HERC6: variants seen among roughly 807,000 people sequenced by gnomAD.
HERC6 encodes the protein probable E3 ubiquitin-protein ligase HERC6.
A neutral mutation model predicts 114.5 loss-of-function variants in HERC6; 101 were observed. The ratio of observed to expected loss-of-function variants is 0.88; its 90% CI spans 0.75 to 1.04. The LOEUF is 1.04. Among genes scored for constraint, HERC6 ranks in the 50% least tolerant of loss-of-function variants. The pLI is 0.00. For missense variants in HERC6, 1,133 were observed against 1,230.9 expected (o/e 0.92, Z 1.19); for synonymous variants, 408 against 436.2 (o/e 0.94, Z 0.81).
intron 11 of HERC6, among the ~76,000 whole-genome samples, chr4:88,412,013 G>A (rs1275725928): frequency 1.3e-5 from 2 of 152,162 alleles, no homozygotes; most frequent in African/African-American, 4.8e-5. Flanking sequence ...CGACTGGCAA[G>A]GTGAACATAT....
chr4:88,400,618 A>G (rs76633517), intron 8 of HERC6, among the ~76,000 whole-genome samples: 2,871 of 152,272 alleles, frequency 0.019, 94 homozygotes, highest in African/African-American at 0.066. Context: ...TTTAAATGAC[A>G]TGTTCTGGGT....
At chr4:88,429,313 T>C (rs1737952578) in intron 16 of HERC6, among the ~76,000 whole-genome samples, 2 of 152,170 alleles carry the variant, frequency 1.3e-5, no homozygotes, top group Admixed American at 6.5e-5. Context: ...TAGGGAAATA[T>C]ACACAGCCTC....
At chr4:88,380,829 A>G (rs1336713570) in intron 1 of HERC6, among the ~76,000 whole-genome samples, 2 of 152,096 alleles carry the variant, frequency 1.3e-5, no homozygotes, top group African/African-American at 2.4e-5. Context: ...ACACCCAAAG[A>G]TAACTCCTAA....
At chr4:88,398,748 T>C (rs1252925572) in intron 8 of HERC6, 1 of 152,220 alleles carries the variant, frequency 6.6e-6, no homozygotes, top group East Asian at 1.9e-4. Context: ...ATAAAATTAA[T>C]GATGATAGAT....
intron 13 of HERC6, among the ~76,000 whole-genome samples, chr4:88,421,448 TTTC>T: frequency 6.8e-6 from 1 of 146,520 alleles, no homozygotes; most frequent in African/African-American, 2.5e-5. Flanking sequence ...TTTCTTTTCT[TTTC>T]TTTTTTTTTT....
chr4:88,423,229 A>T (rs1418217563), intron 13 of HERC6, among the ~76,000 whole-genome samples: 1 of 151,602 alleles, frequency 6.6e-6, no homozygotes, highest in Non-Finnish European at 1.5e-5. Flanking sequence ...CATTTTTGTG[A>T]TGGAGGCATT....
At chr4:88,382,294 G>A (rs1734364321) in intron 1 of HERC6, among the ~76,000 whole-genome samples, 1 of 152,164 alleles carries the variant, frequency 6.6e-6, no homozygotes, top group Admixed American at 6.5e-5. Flanking sequence ...TTGGCTTGTA[G>A]GGAAATGTGA....
chr4:88,392,245 C>T (rs1335951203), intron 4 of HERC6, among the ~76,000 whole-genome samples: 1 of 149,480 alleles, frequency 6.7e-6, no homozygotes. Flanking sequence ...GTGGTGTGAT[C>T]TCAGCTCACT....
Position 88,439,986 on chromosome 4 carries a change from C to T in HERC6, c.2668C>T (p.His890Tyr), listed in dbSNP as rs1329024606. ...YRVCEKEILRHFYPEELMTAI... is the reference protein window; with the variant it reads ...YRVCEKEILRYFYPEELMTAI... ...AGTCTGTGAGAAGGAGATACTTAGA[C>T]ATTTCTACCCTGAAGAACTAATGAC... The change falls in exon 21 of 23, where the codon CAT becomes TAT. Residue 890 changes from histidine (H) to tyrosine (Y), a missense_variant. This residue lies in a region of HERC6 where 388 missense variants were observed against 445.9 expected (regional missense o/e 0.87). Coordinates refer to ENST00000264346, the MANE Select transcript of HERC6 (RefSeq NM_017912.4). The T allele has an allele frequency of 1.2e-6, 2 of 1,611,892 alleles. No individual in the cohort carries two copies. Among genetic ancestry groups the T allele is most frequent in the Non-Finnish European group, 1.7e-6 (2 of 1,179,350 alleles).
intron 13 of HERC6, among the ~76,000 whole-genome samples, chr4:88,420,017 C>T (rs1736868322): frequency 6.6e-6 from 1 of 151,930 alleles, no homozygotes; most frequent in South Asian, 2.1e-4. Context: ...TCTCCCTCTC[C>T]CTCTGCTCTC....
In HERC6 at chr4:88,390,849, C is replaced by G. The variant is rs758675853; in HGVS notation, c.634C>G (p.Gln212Glu). The G allele has an allele frequency of 1.7e-5, 27 of 1,613,682 alleles. No individual in the cohort carries two copies. The highest frequency in any genetic ancestry group is 2.3e-5 in the Non-Finnish European group (27 of 1,179,766). Reference protein sequence around the residue: ...SFGWGSNSAGQLALSGRNVPV... With the variant: ...SFGWGSNSAGELALSGRNVPV... ...TGGCTGGGGAAGTAACAGTGCCGGG[C>G]AGCTGGCCCTCAGTGGGCGTAATGT... Residue 212 changes from glutamine (Q) to glutamate (E), a missense_variant, in exon 4 of 23, where the codon CAG (glutamine) becomes GAG (glutamate). Gln to Glu is a conservative substitution (Grantham distance 29). Around this residue, in one of 3 missense-constraint regions of HERC6, gnomAD observed 735 missense variants for 754.0 expected, o/e 0.97. Coordinates refer to ENST00000264346, the MANE Select transcript of HERC6 (RefSeq NM_017912.4).
At chr4:88,435,940 TG>T (rs755686540) in intron 18 of HERC6, 49 bp downstream of exon 18, 78 of 1,376,544 alleles carry the variant, frequency 5.7e-5, no homozygotes, top group Non-Finnish European at 3.1e-5. Context: ...AAGTCTCAGT[TG>T]TTTAGGCATA....
chr4:88,442,342 C>G lies in HERC6; in HGVS notation c.2951C>G (p.Thr984Ser). The change falls in exon 23 of 23, where the codon ACT becomes AGT. Residue 984 changes from threonine to serine, a missense_variant. Thr to Ser is a moderately conservative substitution (Grantham distance 58). Around this residue, in one of 3 missense-constraint regions of HERC6, gnomAD observed 388 missense variants for 445.9 expected, o/e 0.87. Transcript: ENST00000264346. ...FSERDHPTSI[T>S]CHNILSLPKY... The stretch of plus-strand genomic sequence containing the variant: ...GAAAGAGATCACCCAACATCAATAA[C>G]TTGTCATAATATTCTCTCCCTCCCT... 6.2e-7 allele frequency: 1 copy of G among 1,613,684 alleles called. No homozygotes were observed. The highest frequency in any genetic ancestry group is 8.5e-7 in the Non-Finnish European group (1 of 1,179,772).
intron 5 of HERC6, among the ~76,000 whole-genome samples, chr4:88,394,558 T>TA (rs1418336643): frequency 2.0e-5 from 3 of 148,772 alleles, no homozygotes; most frequent in Admixed American, 6.7e-5. Context: ...TTATTATTAT[T>TA]TTTTGAGACA....
intron 8 of HERC6, among the ~76,000 whole-genome samples, chr4:88,401,265 C>T (rs372239974): frequency 1.8e-4 from 28 of 151,964 alleles, no homozygotes; most frequent in Middle Eastern, 3.4e-3. Context: ...GAGGCCGAGG[C>T]GGGTGGATCA....
At position 88,427,549 on chromosome 4, in the gene HERC6, AT is replaced by A. The variant is rs748205256; in HGVS notation, c.1936-1030del. On this transcript the variant is annotated intron_variant, in intron 15 of 22. Transcript: ENST00000264346. ...ACAAATCTGGTGCCTAAAAAAAAAA[AT>A]CTTAAAGAAAAACCAGAAGAATCTA... Among the ~76,000 whole-genome samples, 14 of 152,266 alleles carry A rather than the reference AT, an allele frequency of 9.2e-5. No individual in the cohort carries two copies. The South Asian group carries it at 1.9e-3, about 20-fold the overall frequency.
At chr4:88,438,230 G>T (rs1189793757) in intron 20 of HERC6, among the ~76,000 whole-genome samples, 2 of 150,414 alleles carry the variant, frequency 1.3e-5, no homozygotes, top group Non-Finnish European at 3.0e-5. Flanking sequence ...AAAGGAGAAA[G>T]AATTCAGGGT....
intron 8 of HERC6, chr4:88,399,041 T>C (rs551164784): frequency 6.6e-6 from 1 of 152,362 alleles, no homozygotes; most frequent in Admixed American, 6.5e-5. Flanking sequence ...GATTTTATTA[T>C]TACATTTCTG....
At chr4:88,418,855 T>C (rs1316704198) in intron 13 of HERC6, among the ~76,000 whole-genome samples, 2 of 152,130 alleles carry the variant, frequency 1.3e-5, no homozygotes, top group Non-Finnish European at 2.9e-5. Context: ...GCCTCCGGAA[T>C]AGCTGGGATT....
Sources: allele counts gnomAD v4.1 joint callset (sites outside exome capture counted in the v4.1 genomes callset), GRCh38; gene constraint gnomAD v4.1.1; regional missense constraint gnomAD v4.1.1; transcripts MANE v1.5; gene names NCBI Gene and HGNC (gene_info 2026-07-23, HGNC 2026-07-21).